Variants in ATP2B1 observed in about 807,000 individuals in gnomAD.
The protein encoded by ATP2B1 is plasma membrane calcium-transporting ATPase 1.
In ATP2B1, 14 loss-of-function variants were observed where a neutral mutation model predicts 124.2. The observed-to-expected ratio is 0.11, with a 90% CI of 0.07 to 0.18. The LOEUF is 0.18. Ranked by LOEUF, ATP2B1 falls within the 10% of genes least tolerant of loss-of-function variation. ATP2B1 has a pLI of 1.00. For missense variants in ATP2B1, 763 were observed against 1,466.1 expected, an observed-to-expected ratio of 0.52 and a Z score of 7.83; for synonymous variants, 449 against 492.4, an observed-to-expected ratio of 0.91 and a Z score of 1.17.
At chr12:89,655,527 C>G (rs1885848099) in intron 2 of ATP2B1, 152 bp downstream of exon 2, 3 of 669,252 alleles carry the variant, frequency 4.5e-6, no homozygotes, top group Non-Finnish European at 7.5e-6. Flanking sequence ...AATACTTTAA[C>G]TGTATTAATC....
At chr12:89,598,846 T>A in intron 20 of ATP2B1, 1 of 1,403,602 alleles carries the variant, frequency 7.1e-7, no homozygotes. Flanking sequence ...AAAGGCACTT[T>A]TTACACAGCA....
chr12:89,640,609 T>C (rs865941637), intron 3 of ATP2B1, among the ~76,000 whole-genome samples: 3 of 122,508 alleles, frequency 2.4e-5, no homozygotes, highest in South Asian at 2.7e-4. Context: ...TACATAATTA[T>C]TGATAGAGTT....
intron 20 of ATP2B1, chr12:89,594,189 T>C (rs917354593): frequency 6.6e-6 from 1 of 151,818 alleles, no homozygotes; most frequent in East Asian, 1.9e-4. Context: ...CGAACCAGAG[T>C]TGTTTTACTT....
At chr12:89,631,041 G>A (rs1282589496) in intron 5 of ATP2B1, among the ~76,000 whole-genome samples, 1 of 151,778 alleles carries the variant, frequency 6.6e-6, no homozygotes, top group Non-Finnish European at 1.5e-5. Flanking sequence ...CAAAGTGCTG[G>A]GATTACAGAT....
At chr12:89,665,670 T>C (rs1056079896) in intron 1 of ATP2B1, among the ~76,000 whole-genome samples, 2 of 152,254 alleles carry the variant, frequency 1.3e-5, no homozygotes, top group Non-Finnish European at 2.9e-5. Context: ...TTTTCAGCTA[T>C]AGTCAAAGAA....
intron 1 of ATP2B1, among the ~76,000 whole-genome samples, chr12:89,679,695 G>A (rs1484176912): frequency 3.9e-5 from 6 of 152,078 alleles, no homozygotes; most frequent in Non-Finnish European, 8.8e-5. Context: ...GTAGGAGAGG[G>A]GAGGCTTAAG....
chr12:89,655,794 G>T lies in ATP2B1; in HGVS notation c.93C>A (p.Leu31=), dbSNP rs200585152. The change falls in exon 2 of 21, where the codon CTC becomes CTA. Residue 31 remains leucine (L), a synonymous_variant. Coordinates refer to ENST00000428670, the MANE Select transcript of ATP2B1 (RefSeq NM_001366521.1). The part of the protein sequence containing the change: ...ANHDGDFGIT[L]AELRALMELR... ...GCTCCATGAGAGCCCGCAGCTCTGC[G>T]AGCGTAATTCCAAAGTCTCCATCAT... The T allele has an allele frequency of 1.9e-6, 3 of 1,614,136 alleles. No homozygotes were observed. The South Asian group carries it at 3.3e-5, about 18-fold the overall frequency.
At chr12:89,662,754 T>C (rs1208541614) in intron 1 of ATP2B1, among the ~76,000 whole-genome samples, 2 of 152,270 alleles carry the variant, frequency 1.3e-5, no homozygotes, top group East Asian at 3.9e-4. Flanking sequence ...TGTGTCTGTG[T>C]TGACTAAAAT....
At chr12:89,610,844 T>A (rs984786226) in intron 13 of ATP2B1, 6 of 339,482 alleles carry the variant, frequency 1.8e-5, no homozygotes. Flanking sequence ...TAATTTAGCA[T>A]AAGAAGTTCA....
intron 1 of ATP2B1, among the ~76,000 whole-genome samples, chr12:89,668,732 C>G (rs1887585741): frequency 6.6e-6 from 1 of 152,146 alleles, no homozygotes; most frequent in Admixed American, 6.5e-5. Context: ...AGTAGACCAA[C>G]AGAGGAGGTA....
chr12:89,691,593 A>C (rs924653769), intron 1 of ATP2B1, among the ~76,000 whole-genome samples: 7 of 152,198 alleles, frequency 4.6e-5, no homozygotes, highest in Non-Finnish European at 8.8e-5. Context: ...CCAGAAAGTG[A>C]TCACTCAGGA....
At chr12:89,706,406 C>T (rs1892461777) in intron 1 of ATP2B1, among the ~76,000 whole-genome samples, 1 of 151,864 alleles carries the variant, frequency 6.6e-6, no homozygotes, top group African/African-American at 2.4e-5. Context: ...TGTAAAGCCA[C>T]TGTCATACTG....
Position 89,590,865 on chromosome 12 carries a change from G to T in ATP2B1, c.*119C>A, listed in dbSNP as rs1266954641. 4 of 961,498 alleles carry T rather than the reference G, an allele frequency of 4.2e-6. No individual in the cohort carries two copies. The highest frequency in any genetic ancestry group is 6.2e-6 in the Non-Finnish European group (4 of 644,702). 59.6% of individuals were successfully genotyped at this position (961,498 alleles called of 1,614,324 possible). ...AAAATAAATCTACATTCGTACAAGT[G>T]TGTCTTCTGTTGAAGTCCAAAGACA... is the stretch of plus-strand genomic sequence containing the variant. On this transcript the variant is annotated 3_prime_UTR_variant, in exon 21 of 21. Transcript: ENST00000428670.
At chr12:89,704,722 G>A (rs184993802) in intron 1 of ATP2B1, among the ~76,000 whole-genome samples, 1 of 152,282 alleles carries the variant, frequency 6.6e-6, no homozygotes, top group East Asian at 1.9e-4. Context: ...TCTGAAAACT[G>A]TAAAGTAGTT....
Position 89,616,797 on chromosome 12 carries a change from AC to A in ATP2B1, c.2067+4del, listed in dbSNP as rs756716421. Reference sequence around the variant, plus strand: ...GCACATGCAGAACACAGAATGTTTCACCACCTCAGGTCTCACAGGATCTTCA... The same window carrying A: ...GCACATGCAGAACACAGAATGTTTCACACCTCAGGTCTCACAGGATCTTCA... On this transcript the variant is annotated splice_donor_region_variant and intron_variant, in intron 12 of 20. Transcript: ENST00000428670. 4.5e-5 allele frequency: 72 copies of A among 1,610,178 alleles called. No individual in the cohort carries two copies. In the South Asian group the frequency reaches 6.7e-4, roughly 15 times the overall value.
chr12:89,606,440 C>T (rs1463267115), intron 15 of ATP2B1, among the ~76,000 whole-genome samples: 1 of 152,130 alleles, frequency 6.6e-6, no homozygotes, highest in African/African-American at 2.4e-5. Context: ...CTTTTAAATG[C>T]TACGCATACA....
intron 2 of ATP2B1, among the ~76,000 whole-genome samples, chr12:89,652,866 T>C (rs1421875362): frequency 6.6e-6 from 1 of 152,178 alleles, no homozygotes; most frequent in Non-Finnish European, 1.5e-5. Flanking sequence ...GCCTCCTGAA[T>C]AGCAGAGATG....
At chr12:89,652,693 C>T (rs1353891386) in intron 2 of ATP2B1, among the ~76,000 whole-genome samples, 1 of 152,190 alleles carries the variant, frequency 6.6e-6, no homozygotes, top group Non-Finnish European at 1.5e-5. Context: ...TAAACTAAAA[C>T]TATGAATATT....
chr12:89,611,385 A>T lies in ATP2B1; in HGVS notation c.2068-13T>A, dbSNP rs1446776472. 3.3e-6 allele frequency: 3 copies of T among 906,456 alleles called. No homozygotes were observed. Among genetic ancestry groups the T allele is most frequent in the South Asian group, 5.6e-5 (2 of 35,736 alleles). The allele number at this position is 906,456 out of a possible 1,614,324, so 56.2% of individuals were successfully genotyped here. ...TTGCATCTGGCACCTGGTTTACATT[A>T]AAAAAAAAAATTACAAAGTTAATTT... On this transcript the variant is annotated splice_polypyrimidine_tract_variant and intron_variant, in intron 12 of 20. Transcript: ENST00000428670.
Sources: gnomAD v4.1 joint callset for allele counts (sites outside exome capture counted in the v4.1 genomes callset) on GRCh38, gnomAD v4.1.1 for gene constraint, MANE v1.5 for transcripts, NCBI Gene and HGNC (gene_info 2026-07-23, HGNC 2026-07-21) for gene names.